HTT: variants seen among roughly 807,000 people sequenced by gnomAD.
HTT encodes the protein huntington disease protein.
HTT carries 104 observed loss-of-function variants against 362.3 expected under a neutral mutation model. That is an observed-to-expected ratio of 0.29 (90% confidence interval 0.24 to 0.34). HTT has a LOEUF of 0.34. Among genes scored for constraint, HTT ranks in the 10% least tolerant of loss-of-function variants. The pLI, the probability that HTT is intolerant of heterozygous loss-of-function variation, is 1.00. For missense variants in HTT, 3,301 were observed against 3,928.6 expected, an observed-to-expected ratio of 0.84 and a Z score of 4.27; for synonymous variants, 1,577 against 1,548.7, an observed-to-expected ratio of 1.02 and a Z score of -0.43.
intron 57 of HTT, among the ~76,000 whole-genome samples, chr4:3,226,008 TA>T (rs1156242457): frequency 6.6e-6 from 1 of 152,074 alleles, no homozygotes; most frequent in Non-Finnish European, 1.5e-5. Flanking sequence ...GAGATGTGTG[TA>T]AGAGACAGTG....
rs189177645 is a variant in HTT at position 3,187,280 on chromosome 4, C to T, written c.4990-371C>T. On this transcript the variant is annotated intron_variant, in intron 38 of 66. Coordinates refer to ENST00000355072, the MANE Select transcript of HTT (RefSeq NM_001388492.1). ...AAGCAATTTTCCTGCCTCAGCCTCC[C>T]GAGTAGCTGGGACTACAGGTGCGTG... 9.9e-3 allele frequency among the ~76,000 whole-genome samples: 1,506 copies of T among 151,994 alleles called. 11 individuals carry two copies. The highest frequency in any genetic ancestry group is 0.022 in the African/African-American group (903 of 41,440).
rs1720769108 is a variant in HTT at position 3,223,471 on chromosome 4, T to C, written c.7536T>C (p.Ser2512=). The change falls in exon 55 of 67, where the codon AGT becomes AGC. Residue 2512 remains serine, a synonymous_variant. Transcript: ENST00000355072. ...AVQAITSLVL[S]AMTVPVAGNP... ...AGGCCATCACCTCACTGGTGCTCAG[T>C]GCAATGACTGTGCCTGTGGCCGGCA... The C allele has an allele frequency of 6.2e-7, 1 of 1,613,958 alleles. No homozygotes were observed. Among genetic ancestry groups the C allele is most frequent in the Non-Finnish European group, 8.5e-7 (1 of 1,179,936 alleles).
chr4:3,169,269 G>C (rs545755704), intron 29 of HTT, among the ~76,000 whole-genome samples: 1 of 151,948 alleles, frequency 6.6e-6, no homozygotes, highest in Admixed American at 6.6e-5. Flanking sequence ...CTGCCCGCCT[G>C]GGCCTCCCAA....
At chr4:3,132,398 CT>C (rs1054618001) in intron 16 of HTT, among the ~76,000 whole-genome samples, 163 bp from the exon 17 acceptor site, 110 of 145,724 alleles carry the variant, frequency 7.5e-4, no homozygotes, top group Admixed American at 7.6e-4. Context: ...AATCCTGAAA[CT>C]TTTTTTTTTT....
In HTT at chr4:3,150,126, C is replaced by T. The variant is rs545864968; in HGVS notation, c.3498+1919C>T. Among the ~76,000 whole-genome samples the T allele has an allele frequency of 7.2e-5, 11 of 152,244 alleles. No homozygotes were observed. The East Asian group carries it at 1.7e-3, about 24-fold the overall frequency. The stretch of plus-strand genomic sequence containing the variant: ...ATGCTTTCTAGGCTCTGTCCTAGGC[C>T]GTCTTCTCTCTTTGTAGTCTCTGGG... On this transcript the variant is annotated intron_variant, in intron 26 of 66. Coordinates refer to ENST00000355072, the MANE Select transcript of HTT (RefSeq NM_001388492.1).
At chr4:3,093,789 C>T (rs1196760609) in intron 2 of HTT, among the ~76,000 whole-genome samples, 2 of 147,394 alleles carry the variant, frequency 1.4e-5, no homozygotes, top group Non-Finnish European at 1.5e-5. Context: ...CAGCAGCCAC[C>T]AAAGCTGGAA....
chr4:3,120,863 T>C (rs1010777875), intron 8 of HTT, among the ~76,000 whole-genome samples: 9 of 152,234 alleles, frequency 5.9e-5, no homozygotes, highest in Non-Finnish European at 1.3e-4. Flanking sequence ...TCAGTGGCAC[T>C]CATAATAGTG....
chr4:3,238,093 A>G (rs939966323), intron 64 of HTT, among the ~76,000 whole-genome samples: 1 of 150,910 alleles, frequency 6.6e-6, no homozygotes, highest in Non-Finnish European at 1.5e-5. Context: ...AACTCCTCTT[A>G]GGAGTTCTGG....
intron 26 of HTT, among the ~76,000 whole-genome samples, chr4:3,154,089 T>G (rs1717030077): frequency 6.6e-6 from 1 of 152,210 alleles, no homozygotes. Flanking sequence ...GGCCAGTCCC[T>G]ACCATGTATC....
rs1248401088 is a variant in HTT at position 3,127,409 on chromosome 4, C to T, written c.1548C>T (p.Asp516=). The change falls in exon 12 of 67, where the codon GAC becomes GAT. Residue 516 remains aspartate, a synonymous_variant. Transcript: ENST00000355072. ...QADSVDLASC[D]LTSSATDGDE... ...ACTCAGTGGATCTGGCCAGCTGTGA[C>T]TTGACAAGCTCTGCCACTGATGGGG... The T allele has an allele frequency of 1.2e-6, 2 of 1,614,186 alleles. No homozygotes were observed. Among genetic ancestry groups the T allele is most frequent in the Non-Finnish European group, 1.7e-6 (2 of 1,180,036 alleles).
intron 29 of HTT, 24 bp from the exon 30 acceptor site, chr4:3,172,296 A>T: frequency 3.7e-6 from 5 of 1,353,766 alleles, no homozygotes; most frequent in Non-Finnish European, 5.3e-6. Context: ...TGAGTCGCTT[A>T]ATGTCTCACT....
chr4:3,082,187 A>G (rs1380155898), intron 1 of HTT, among the ~76,000 whole-genome samples: 2 of 152,172 alleles, frequency 1.3e-5, no homozygotes, highest in Non-Finnish European at 2.9e-5. Flanking sequence ...ATTAATTGCT[A>G]TGTAATATTT....
At chr4:3,178,564 A>C in intron 35 of HTT, 118 bp downstream of exon 35, 1 of 831,830 alleles carries the variant, frequency 1.2e-6, no homozygotes, top group East Asian at 2.4e-5. Context: ...CAGGCTCTGC[A>C]TGTGTGTCTG....
intron 46 of HTT, among the ~76,000 whole-genome samples, 183 bp from the exon 47 acceptor site, chr4:3,209,644 A>G (rs1300968409): frequency 6.6e-6 from 1 of 152,078 alleles, no homozygotes; most frequent in Non-Finnish European, 1.5e-5. Context: ...CCAGGCAGGT[A>G]ACAGAAGTCC....
chr4:3,208,897 G>T lies in HTT; in HGVS notation c.6277G>T (p.Val2093Leu), dbSNP rs1312341482. Residue 2093 changes from valine (V) to leucine (L), a missense_variant, in exon 46 of 67, where the codon GTG becomes TTG. By Grantham distance (32) the Val-to-Leu change is conservative. Around this residue, in one of 4 missense-constraint regions of HTT, gnomAD observed 2,316 missense variants for 2,658.5 expected, o/e 0.87. Transcript: ENST00000355072. The part of the protein sequence containing the change: ...DGDGHVSLET[V>L]SPDKDWYVHL... Reference sequence around the variant, plus strand: ...GGATGGGCACGTGTCACTGGAAACAGTGAGTCCGGACAAAGTAAGTGTCCA... The same window carrying T: ...GGATGGGCACGTGTCACTGGAAACATTGAGTCCGGACAAAGTAAGTGTCCA... 5 of 1,612,000 alleles carry T rather than the reference G, an allele frequency of 3.1e-6. No individual in the cohort carries two copies. The East Asian group carries it at 8.9e-5, about 29-fold the overall frequency.
intron 2 of HTT, among the ~76,000 whole-genome samples, chr4:3,095,341 A>G (rs1196119517): frequency 1.3e-5 from 2 of 152,236 alleles, no homozygotes; most frequent in East Asian, 1.9e-4. Context: ...CCCGGCCAAC[A>G]CGGCGAAACC....
At chr4:3,116,528 A>G (rs2110172838) in intron 8 of HTT, among the ~76,000 whole-genome samples, 1 of 152,322 alleles carries the variant, frequency 6.6e-6, no homozygotes, top group South Asian at 2.1e-4. Context: ...TTCTAAAACC[A>G]GAGGTCACGA....
chr4:3,232,780 C>G (rs1401879400), intron 60 of HTT, among the ~76,000 whole-genome samples: 1 of 152,224 alleles, frequency 6.6e-6, no homozygotes, highest in Non-Finnish European at 1.5e-5. Flanking sequence ...CGTGACAGCG[C>G]GTGTGCAGTG....
chr4:3,132,487 G>T, intron 16 of HTT, 75 bp from the exon 17 acceptor site: 1 of 1,277,904 alleles, frequency 7.8e-7, no homozygotes, highest in Non-Finnish European at 1.1e-6. Context: ...TCTTTCCTGA[G>T]AATTAAGCTT....
Sources: allele counts gnomAD v4.1 joint callset (sites outside exome capture counted in the v4.1 genomes callset), GRCh38; gene constraint gnomAD v4.1.1; regional missense constraint gnomAD v4.1.1; transcripts MANE v1.5; gene names NCBI Gene and HGNC (gene_info 2026-07-23, HGNC 2026-07-21).